Variants in NSD1 observed in about 807,000 individuals in gnomAD.
NSD1 encodes nuclear receptor binding SET domain protein 1.
A neutral mutation model predicts 242.7 loss-of-function variants in NSD1; 26 were observed. The ratio of observed to expected loss-of-function variants is 0.11; its 90% CI spans 0.08 to 0.15. The LOEUF (loss-of-function observed/expected upper bound fraction) is 0.15. Ranked by LOEUF, NSD1 falls within the 10% of genes least tolerant of loss-of-function variation. NSD1 has a pLI of 1.00. For synonymous variants in NSD1, 1,106 were observed against 1,178.1 expected (o/e 0.94, Z 1.25); for missense variants, 2,495 against 3,272.8 (o/e 0.76, Z 5.80).
chr5:177,284,914 AG>A (rs1759185950), intron 20 of NSD1, among the ~76,000 whole-genome samples: 1 of 152,174 alleles, frequency 6.6e-6, no homozygotes, highest in Non-Finnish European at 1.5e-5. Flanking sequence ...CAGCCTGGGT[AG>A]TATCGTGAGA....
chr5:177,274,988 C>A (rs1291741457), intron 17 of NSD1, among the ~76,000 whole-genome samples: 1 of 151,916 alleles, frequency 6.6e-6, no homozygotes, highest in East Asian at 1.9e-4. Context: ...CCCGCCACAG[C>A]CTCCCAAAGT....
At chr5:177,231,321 G>A (rs1191945619) in intron 5 of NSD1, among the ~76,000 whole-genome samples, 1 of 152,172 alleles carries the variant, frequency 6.6e-6, no homozygotes, top group Non-Finnish European at 1.5e-5. Context: ...CTGGGCTCAA[G>A]TAATCCTCTT....
chr5:177,260,816 G>C (rs1038933230), intron 14 of NSD1, among the ~76,000 whole-genome samples: 2 of 151,896 alleles, frequency 1.3e-5, no homozygotes, highest in Non-Finnish European at 2.9e-5. Context: ...TTAATATTAA[G>C]TGGCATTATT....
rs11384478 is a variant in NSD1, at chr5:177,281,333, C to CTTT, written c.5892+511_5892+513dup. Among the ~76,000 whole-genome samples the CTTT allele has an allele frequency of 7.5e-4, 106 of 142,116 alleles. 1 individual carries two copies. The highest frequency in any genetic ancestry group is 1.8e-3 in the South Asian group (8 of 4,554). 93.2% of individuals were successfully genotyped at this position (142,116 alleles called of 152,430 possible). A position where few individuals can be genotyped will look rare whatever the true frequency, so the allele number is the denominator to read the frequency against. ...TAATAAATAAATAATATTGTATAGT[C>CTTT]TTTTTTTTTTTTTTAATAAAATAAG... On this transcript the variant is annotated intron_variant, in intron 18 of 22. Transcript: ENST00000439151.
chr5:177,298,637 A>G lies in NSD1; in HGVS notation c.*3178A>G, dbSNP rs1375781547. On this transcript the variant is annotated 3_prime_UTR_variant, in exon 23 of 23. Transcript: ENST00000439151. ...TAGCATTGATGAAAATAGTTATTTT[A>G]TTCTTTACATCCTTCACCCCACACT... The G allele has an allele frequency of 1.3e-5, 3 of 233,166 alleles. No individual in the cohort carries two copies. In the East Asian group the frequency reaches 1.8e-4, roughly 14 times the overall value. The allele number at this position is 233,166 out of a possible 1,614,324, so 14.4% of individuals were successfully genotyped here.
intron 2 of NSD1, among the ~76,000 whole-genome samples, chr5:177,175,638 A>G (rs1163462523): frequency 6.6e-6 from 1 of 152,106 alleles, no homozygotes; most frequent in East Asian, 1.9e-4. Context: ...TAAAAAAAAT[A>G]AAGTATTTGA....
chr5:177,219,347 G>A lies in NSD1; in HGVS notation c.3796+7152G>A, dbSNP rs775866847. On this transcript the variant is annotated intron_variant, in intron 5 of 22. Coordinates refer to ENST00000439151, the MANE Select transcript of NSD1 (RefSeq NM_022455.5). The stretch of plus-strand genomic sequence containing the variant: ...ATTACAGGTGCCTGCCACCACGCCC[G>A]GCTAATTTTTTGTATTTTTAGTAGA... Among the ~76,000 whole-genome samples the A allele has an allele frequency of 5.9e-5, 9 of 151,838 alleles. No individual in the cohort carries two copies. In the South Asian group the frequency reaches 1.0e-3, roughly 18 times the overall value.
rs779028625 is a variant in NSD1, at chr5:177,235,841, C to T, written c.3817C>T (p.Arg1273Cys). 6 of 1,613,758 alleles carry T rather than the reference C, an allele frequency of 3.7e-6. No homozygotes were observed. Among genetic ancestry groups the T allele is most frequent in the Non-Finnish European group, 5.1e-6 (6 of 1,179,904 alleles). Residue 1273 changes from arginine (R) to cysteine (C), a missense_variant, in exon 6 of 23, where the codon CGC becomes TGC. Around this residue, in one of 19 missense-constraint regions of NSD1, gnomAD observed 426 missense variants for 411.4 expected, o/e 1.04. Transcript: ENST00000439151. The part of the protein sequence containing the change: ...PEPAVRSEKK[R>C]LRKPSKWLLE... ...TTTAGCTGTGCGGTCAGAGAAGAAACGCCTTAGGAAGCCAAGCAAGTGGCT... is the reference window on the plus strand; with the variant it reads ...TTTAGCTGTGCGGTCAGAGAAGAAATGCCTTAGGAAGCCAAGCAAGTGGCT...
intron 4 of NSD1, among the ~76,000 whole-genome samples, chr5:177,207,924 G>A (rs1369582142): frequency 2.0e-5 from 3 of 149,686 alleles, no homozygotes; most frequent in East Asian, 2.0e-4. Flanking sequence ...GTGTGTGTGC[G>A]TGTGTGTGTG....
intron 6 of NSD1, among the ~76,000 whole-genome samples, chr5:177,237,531 C>CTTTTTTTT (rs35657331): frequency 8.1e-6 from 1 of 123,156 alleles, no homozygotes; most frequent in Non-Finnish European, 1.7e-5. Flanking sequence ...ATTATTTTAT[C>CTTTTTTTT]TTTTTTTTTT....
chr5:177,209,945 A>C lies in NSD1; in HGVS notation c.1546A>C (p.Ile516Leu). Residue 516 changes from isoleucine (I) to leucine (L), a missense_variant, in exon 5 of 23, where the codon ATA becomes CTA. Physicochemically the swap from Ile to Leu is conservative, Grantham distance 5. Transcript: ENST00000439151. Reference sequence around the variant, plus strand: ...AAGGACTAGTGTGAAAAAGGGCCACATACAATTTGAAGCACATAAAGATGA... The same window carrying C: ...AAGGACTAGTGTGAAAAAGGGCCACCTACAATTTGAAGCACATAAAGATGA... ...PKRTSVKKGH[I>L]QFEAHKDERR... The C allele has an allele frequency of 6.2e-7, 1 of 1,614,150 alleles. No individual in the cohort carries two copies. Among genetic ancestry groups the C allele is most frequent in the South Asian group, 1.1e-5 (1 of 91,080 alleles).
chr5:177,207,171 A>C (rs1762939407), intron 4 of NSD1, among the ~76,000 whole-genome samples: 1 of 151,974 alleles, frequency 6.6e-6, no homozygotes, highest in Non-Finnish European at 1.5e-5. Flanking sequence ...TCCTAACCTA[A>C]GGTGACCCCC....
In NSD1 at chr5:177,295,418, G is replaced by A. The variant is rs188326949; in HGVS notation, c.8050G>A (p.Ala2684Thr). 69 of 1,614,152 alleles carry A rather than the reference G, an allele frequency of 4.3e-5. 1 individual carries two copies. The East Asian group carries it at 1.5e-3, about 34-fold the overall frequency. Residue 2684 changes from alanine (A) to threonine (T), a missense_variant, in exon 23 of 23, where the codon GCT becomes ACT. Around this residue, in one of 19 missense-constraint regions of NSD1, gnomAD observed 475 missense variants for 563.7 expected, o/e 0.84. Transcript: ENST00000439151. The surrounding 1 kb of genome is among the most constrained non-coding windows in gnomAD (Gnocchi z 4.3). The stretch of plus-strand genomic sequence containing the variant: ...AAATACACTTCCAGCTCTTAACCAG[G>A]CTCCTTCCAGTCACAAGTGTGCAGA... ...EQNTLPALNQ[A>T]PSSHKCAESE...
At chr5:177,173,342 A>G (rs1388262093) in intron 2 of NSD1, among the ~76,000 whole-genome samples, 6 of 151,672 alleles carry the variant, frequency 4.0e-5, no homozygotes, top group Admixed American at 4.0e-4. Context: ...TTCAGTAACT[A>G]CAAGAAGTCT....
intron 12 of NSD1, among the ~76,000 whole-genome samples, chr5:177,252,539 CTTTTTTTTTTTTTTT>C (rs70991600): frequency 2.5e-4 from 12 of 47,430 alleles, no homozygotes; most frequent in East Asian, 1.5e-3. Flanking sequence ...GTAAAGTGTT[CTTTTTTTTTTTTTTT>C]TTTTTTTTTT....
At chr5:177,242,263 A>T (rs1765931133) in intron 8 of NSD1, among the ~76,000 whole-genome samples, 1 of 152,118 alleles carries the variant, frequency 6.6e-6, no homozygotes, top group African/African-American at 2.4e-5. Context: ...AAATAAAATG[A>T]TTGCTATTTT....
chr5:177,225,568 C>T (rs1337144808), intron 5 of NSD1, among the ~76,000 whole-genome samples: 1 of 151,968 alleles, frequency 6.6e-6, no homozygotes, highest in Non-Finnish European at 1.5e-5. Context: ...CCCCTTTTTC[C>T]TGACATCCTT....
intron 2 of NSD1, among the ~76,000 whole-genome samples, chr5:177,170,389 C>T (rs377455592): frequency 1.3e-4 from 19 of 151,284 alleles, no homozygotes; most frequent in Non-Finnish European, 1.3e-4. Flanking sequence ...CTCGCTCTGT[C>T]GCCCAGGCTG....
chr5:177,290,064 G>A (rs1202807974), intron 21 of NSD1, among the ~76,000 whole-genome samples: 3 of 151,384 alleles, frequency 2.0e-5, no homozygotes, highest in Admixed American at 6.6e-5. Context: ...TCCTGACCTC[G>A]TGATCCGCCC....
Sources: gnomAD v4.1 joint callset for allele counts (sites outside exome capture counted in the v4.1 genomes callset) on GRCh38, gnomAD v4.1.1 for gene constraint, gnomAD v4.1.1 regional missense constraint, Gnocchi (gnomAD v3.1) non-coding constraint, MANE v1.5 for transcripts, NCBI Gene and HGNC (gene_info 2026-07-23, HGNC 2026-07-21) for gene names.